Variants in PRKG1 observed in about 807,000 individuals in gnomAD.
PRKG1 encodes the protein protein kinase cGMP-dependent 1.
A neutral mutation model predicts 88.1 loss-of-function variants in PRKG1; 35 were observed. The ratio of observed to expected loss-of-function variants is 0.40; its 90% CI spans 0.30 to 0.53. PRKG1 has a LOEUF of 0.53. PRKG1 is among the 20% of genes least tolerant of loss of function. PRKG1 has a pLI of 0.59. For synonymous variants in PRKG1, 303 were observed against 292.5 expected (o/e 1.04, Z -0.37); for missense variants, 540 against 839.8 (o/e 0.64, Z 4.41).
intron 2 of PRKG1, among the ~76,000 whole-genome samples, chr10:51,332,077 C>T (rs1050476097): frequency 6.6e-6 from 1 of 152,054 alleles, no homozygotes; most frequent in Non-Finnish European, 1.5e-5. Context: ...AAAGACTTAC[C>T]TCATCAAAAT....
At chr10:51,341,359 G>A (rs556730506) in intron 2 of PRKG1, among the ~76,000 whole-genome samples, 12 of 152,270 alleles carry the variant, frequency 7.9e-5, no homozygotes, top group East Asian at 7.7e-4. Flanking sequence ...CACACCCTGC[G>A]GTTGAGCAAA....
intron 1 of PRKG1, among the ~76,000 whole-genome samples, chr10:51,040,883 G>A (rs534329802): frequency 6.6e-6 from 1 of 151,780 alleles, no homozygotes; most frequent in Non-Finnish European, 1.5e-5. Flanking sequence ...CCACCTTTTT[G>A]GATTCTTCAG....
intron 4 of PRKG1, among the ~76,000 whole-genome samples, chr10:51,887,688 A>C (rs1429023063): frequency 6.6e-6 from 1 of 152,192 alleles, no homozygotes; most frequent in Non-Finnish European, 1.5e-5. Flanking sequence ...TTATGTTGGC[A>C]CTTTTTCGTA....
chr10:51,748,697 T>G (rs972551443), intron 3 of PRKG1, among the ~76,000 whole-genome samples: 20 of 152,228 alleles, frequency 1.3e-4, no homozygotes, highest in Admixed American at 1.3e-3. Context: ...CTACAAATCT[T>G]TTGAAGTTCA....
rs5784855 is a variant in PRKG1, at chr10:51,053,253, T to TAA, written c.266+61619_266+61620dup. Among the ~76,000 whole-genome samples, 321 of 148,404 alleles carry TAA rather than the reference T, an allele frequency of 2.2e-3. 3 individuals are homozygous for TAA. Among genetic ancestry groups the TAA allele is most frequent in the African/African-American group, 5.0e-3 (203 of 40,642 alleles). On this transcript the variant is annotated intron_variant, in intron 1 of 17. Transcript: ENST00000401604. ...CTCAAATAAATAAATAAATAAAAAC[T>TAA]AAAAAAAAAAACCATTTTCCACCGC...
chr10:51,220,044 C>CA (rs1425199316), intron 2 of PRKG1, among the ~76,000 whole-genome samples: 1 of 152,082 alleles, frequency 6.6e-6, no homozygotes, highest in Non-Finnish European at 1.5e-5. Flanking sequence ...AAAAGGAAGG[C>CA]AGAAGAGGAG....
intron 7 of PRKG1, among the ~76,000 whole-genome samples, chr10:52,068,202 CAAAAAAAAA>C (rs71032621): frequency 2.6e-5 from 1 of 38,848 alleles, no homozygotes; most frequent in East Asian, 1.2e-3. Flanking sequence ...AACTCCGTCT[CAAAAAAAAA>C]AAAAAAAAAA....
chr10:51,325,758 C>T (rs1313782974), intron 2 of PRKG1, among the ~76,000 whole-genome samples: 2 of 152,120 alleles, frequency 1.3e-5, no homozygotes, highest in African/African-American at 2.4e-5. Flanking sequence ...CCTGACTGTG[C>T]AGGGACTTGC....
intron 3 of PRKG1, among the ~76,000 whole-genome samples, chr10:51,637,378 G>A (rs778236844): frequency 1.3e-5 from 2 of 152,188 alleles, no homozygotes; most frequent in Admixed American, 6.5e-5. Flanking sequence ...CAAAGACCTA[G>A]AGGCAGAAAT....
chr10:51,961,934 T>G (rs2133072952), intron 5 of PRKG1, among the ~76,000 whole-genome samples: 1 of 152,230 alleles, frequency 6.6e-6, no homozygotes, highest in South Asian at 2.1e-4. Flanking sequence ...GTTCCCCAGT[T>G]AAATAAAAAA....
At chr10:51,970,001 T>TAC (rs35117709) in intron 5 of PRKG1, among the ~76,000 whole-genome samples, 1,983 of 144,482 alleles carry the variant, frequency 0.014, 39 homozygotes, top group African/African-American at 0.047. Context: ...ATTCTCTTCA[T>TAC]ACACACACAC....
At chr10:52,230,093 A>G (rs1245912202) in intron 9 of PRKG1, among the ~76,000 whole-genome samples, 1 of 152,250 alleles carries the variant, frequency 6.6e-6, no homozygotes, top group Non-Finnish European at 1.5e-5. Context: ...ACATAAAAAC[A>G]CCAATTAGAA....
chr10:51,339,349 C>T (rs779816546), intron 2 of PRKG1, among the ~76,000 whole-genome samples: 2 of 151,918 alleles, frequency 1.3e-5, no homozygotes, highest in African/African-American at 2.4e-5. Flanking sequence ...CCAGAAAGTA[C>T]AAAAATGTTT....
intron 7 of PRKG1, among the ~76,000 whole-genome samples, chr10:52,112,530 A>C (rs1173099253): frequency 6.6e-6 from 1 of 152,136 alleles, no homozygotes; most frequent in Admixed American, 6.5e-5. Context: ...AGCACCAATA[A>C]ATCCATTGAA....
At chr10:52,267,019 A>C (rs1841589215) in intron 10 of PRKG1, among the ~76,000 whole-genome samples, 1 of 148,466 alleles carries the variant, frequency 6.7e-6, no homozygotes, top group African/African-American at 2.5e-5. Context: ...GTAATTTCAT[A>C]GCTCTAACCA....
intron 2 of PRKG1, among the ~76,000 whole-genome samples, chr10:51,303,372 A>G (rs768028615): frequency 8.2e-5 from 12 of 146,816 alleles, no homozygotes; most frequent in African/African-American, 2.8e-4. Context: ...GCTAGTCTTC[A>G]CAGCAATCAT....
intron 3 of PRKG1, among the ~76,000 whole-genome samples, chr10:51,666,123 G>A (rs1252378468): frequency 2.6e-5 from 4 of 152,166 alleles, no homozygotes; most frequent in Non-Finnish European, 5.9e-5. Context: ...CCATATAACA[G>A]GAAGATTTCA....
intron 2 of PRKG1, among the ~76,000 whole-genome samples, chr10:51,459,111 C>A (rs190785788): frequency 1.1e-4 from 16 of 152,166 alleles, no homozygotes; most frequent in Admixed American, 5.9e-4. Flanking sequence ...AAATCTCCTG[C>A]CTTTTAACTT....
At position 51,177,197 on chromosome 10, in the gene PRKG1, A is replaced by C. The variant is rs187828080; in HGVS notation, c.478+23867A>C. Among the ~76,000 whole-genome samples, 8 of 152,286 alleles carry C rather than the reference A, an allele frequency of 5.3e-5. No homozygotes were observed. The East Asian group carries it at 1.5e-3, about 29-fold the overall frequency. On this transcript the variant is annotated intron_variant, in intron 2 of 17. Transcript: ENST00000373980. ...GGATTACAGTGGCATTTCTTCTAGA[A>C]ATTCTCAGATTACATTCCTTCACAA...
Sources: gnomAD v4.1 joint callset for allele counts (sites outside exome capture counted in the v4.1 genomes callset) on GRCh38, gnomAD v4.1.1 for gene constraint, MANE v1.5 for transcripts, NCBI Gene and HGNC (gene_info 2026-07-23, HGNC 2026-07-21) for gene names.